The following CUEDC1 variants were observed in gnomAD, a reference collection of about 807,000 sequenced individuals.
The protein encoded by CUEDC1 is CUE domain containing 1, also known as CUE domain-containing protein 1.
In CUEDC1, 30 loss-of-function variants were observed where a neutral mutation model predicts 43.7. That is an observed-to-expected ratio of 0.69 (90% confidence interval 0.51 to 0.93). CUEDC1 has a LOEUF of 0.93. CUEDC1 is among the 40% of genes least tolerant of loss of function. The probability of loss-of-function intolerance (pLI) is 0.00; values close to 1 mark genes in which losing one functional copy is unlikely to be tolerated. For missense variants in CUEDC1, 486 were observed against 549.0 expected, an observed-to-expected ratio of 0.89 and a Z score of 1.15; for synonymous variants, 223 against 223.6, an observed-to-expected ratio of 1.00 and a Z score of 0.02.
intron 1 of CUEDC1, among the ~76,000 whole-genome samples, chr17:57,929,684 G>A (rs2074784754): frequency 6.6e-6 from 1 of 152,144 alleles, no homozygotes; most frequent in African/African-American, 2.4e-5. Flanking sequence ...GAGAAGCACT[G>A]TTTTAAAGCA....
intron 2 of CUEDC1, among the ~76,000 whole-genome samples, chr17:57,880,847 G>C (rs1410775640): frequency 7.9e-6 from 1 of 126,880 alleles, no homozygotes; most frequent in African/African-American, 2.6e-5. Context: ...TCCACCATAG[G>C]GGCGGCCCCT....
At chr17:57,868,730 A>G (rs1375047797) in intron 7 of CUEDC1, among the ~76,000 whole-genome samples, 1 of 151,678 alleles carries the variant, frequency 6.6e-6, no homozygotes. Context: ...AGGGGGAGGG[A>G]AGGGGGCATT....
At chr17:57,923,089 G>A (rs1157418266) in intron 1 of CUEDC1, among the ~76,000 whole-genome samples, 1 of 152,066 alleles carries the variant, frequency 6.6e-6, no homozygotes, top group Non-Finnish European at 1.5e-5. Flanking sequence ...GCCTCCCAAA[G>A]TGCTAGGATT....
chr17:57,922,505 A>G (rs2074707819), intron 1 of CUEDC1: 2 of 152,368 alleles, frequency 1.3e-5, no homozygotes, highest in Middle Eastern at 3.4e-3. Context: ...GAGAATCCTC[A>G]GCCAGATTTT....
chr17:57,944,726 T>C (rs2074946009), intron 1 of CUEDC1, among the ~76,000 whole-genome samples: 1 of 152,168 alleles, frequency 6.6e-6, no homozygotes, highest in African/African-American at 2.4e-5. Flanking sequence ...ATCAACTCCT[T>C]TGCACACTCA....
At chr17:57,871,753 G>A (rs567219869) in intron 5 of CUEDC1, among the ~76,000 whole-genome samples, 4 of 152,232 alleles carry the variant, frequency 2.6e-5, no homozygotes, top group African/African-American at 7.2e-5. Flanking sequence ...GTGAAACCCC[G>A]TCTCTACTAA....
chr17:57,922,212 T>C (rs1002594871), intron 1 of CUEDC1, among the ~76,000 whole-genome samples: 1 of 152,158 alleles, frequency 6.6e-6, no homozygotes, highest in East Asian at 1.9e-4. Context: ...ATAAAGTGAC[T>C]TGCTCAAACT....
In CUEDC1 at chr17:57,885,512, GCGGTGCCACCCCCGC is replaced by G; in HGVS notation, c.38_52del (p.Gly13_Thr17del). The stretch of plus-strand genomic sequence containing the variant: ...GCCTCCCCCGCCCCCGCGTGCCCCG[GCGGTGCCACCCCCGC>G]CGCTGCCGCTGCTGCTCCGGCGGAA... On this transcript the variant is annotated inframe_deletion, in exon 2 of 11. Coordinates refer to ENST00000577830, the MANE Select transcript of CUEDC1 (RefSeq NM_001271875.2). 7.0e-7 allele frequency: 1 copy of G among 1,437,560 alleles called. No individual in the cohort carries two copies. Among genetic ancestry groups the G allele is most frequent in the Non-Finnish European group, 9.1e-7 (1 of 1,101,420 alleles). 89.1% of individuals were successfully genotyped at this position (1,437,560 alleles called of 1,614,324 possible). A position where few individuals can be genotyped will look rare whatever the true frequency, so the allele number is the denominator to read the frequency against.
chr17:57,908,624 A>G (rs1477147433), intron 1 of CUEDC1, among the ~76,000 whole-genome samples: 1 of 152,210 alleles, frequency 6.6e-6, no homozygotes, highest in Non-Finnish European at 1.5e-5. Context: ...GGCTTCCTGA[A>G]ACATGCCAGG....
chr17:57,870,260 T>G (rs1173697571), intron 6 of CUEDC1, among the ~76,000 whole-genome samples: 1 of 152,204 alleles, frequency 6.6e-6, no homozygotes, highest in Non-Finnish European at 1.5e-5. Context: ...CAGCTGTGGC[T>G]CAACCCAGTA....
chr17:57,878,538 C>T (rs2074159779), intron 3 of CUEDC1, among the ~76,000 whole-genome samples: 1 of 152,162 alleles, frequency 6.6e-6, no homozygotes, highest in Admixed American at 6.5e-5. Context: ...GAAACAGCAG[C>T]TCTAGGGCAA....
chr17:57,933,198 C>A (rs572929685), intron 1 of CUEDC1, among the ~76,000 whole-genome samples: 1 of 137,746 alleles, frequency 7.3e-6, no homozygotes, highest in East Asian at 1.9e-4. Context: ...GCCTCACGGG[C>A]AGCAAGGGGG....
rs1472260143 is a variant in CUEDC1, at chr17:57,862,080, T to C, written c.*1209A>G. ...CACCAGGGCCCGGCCAAGGATCGGA[T>C]GCCACTCCCAACCTCCCAGAGCCGC... is the stretch of plus-strand genomic sequence containing the variant. On this transcript the variant is annotated 3_prime_UTR_variant, in exon 11 of 11. Coordinates refer to ENST00000577830, the MANE Select transcript of CUEDC1 (RefSeq NM_001271875.2). 1 of 152,176 alleles carries C rather than the reference T, an allele frequency of 6.6e-6. No homozygotes were observed. The highest frequency in any genetic ancestry group is 6.5e-5 in the Admixed American group (1 of 15,286). The allele number at this position is 152,176 out of a possible 1,614,324, so 9.4% of individuals were successfully genotyped here.
chr17:57,873,081 C>T (rs189246278), intron 4 of CUEDC1, among the ~76,000 whole-genome samples: 11 of 152,306 alleles, frequency 7.2e-5, no homozygotes, highest in African/African-American at 2.6e-4. Context: ...TTCCCCCACG[C>T]CACAGACCAC....
chr17:57,925,035 T>A, intron 1 of CUEDC1, among the ~76,000 whole-genome samples: 1 of 151,886 alleles, frequency 6.6e-6, no homozygotes, highest in East Asian at 1.9e-4. Flanking sequence ...AAAATTCTCA[T>A]TATGTAGTGT....
At chr17:57,924,151 G>A (rs1007041361) in intron 1 of CUEDC1, among the ~76,000 whole-genome samples, 8 of 151,950 alleles carry the variant, frequency 5.3e-5, no homozygotes, top group African/African-American at 1.9e-4. Context: ...CTGTTGCCAG[G>A]CTGGAGTGCA....
In CUEDC1 at chr17:57,861,971, GC is replaced by G. The variant is rs1320693108; in HGVS notation, c.*1317del. 1.3e-5 allele frequency: 2 copies of G among 152,218 alleles called. No individual in the cohort carries two copies. The highest frequency in any genetic ancestry group is 1.3e-4 in the Admixed American group (2 of 15,292). The allele number at this position is 152,218 out of a possible 1,614,324, so 9.4% of individuals were successfully genotyped here. On this transcript the variant is annotated 3_prime_UTR_variant, in exon 11 of 11. Coordinates refer to ENST00000577830, the MANE Select transcript of CUEDC1 (RefSeq NM_001271875.2). The stretch of plus-strand genomic sequence containing the variant: ...CCCGGCCCTCCCCAAGCTCGGCGTT[GC>G]GAGTCCGGGCAGGGTGGGCGGGACG...
chr17:57,871,415 C>G (rs766431399), intron 5 of CUEDC1, 46 bp from the exon 6 acceptor site: 1 of 1,515,244 alleles, frequency 6.6e-7, no homozygotes, highest in Non-Finnish European at 9.2e-7. Flanking sequence ...AGCTCCTGGG[C>G]TCCCAGGGGC....
At chr17:57,907,131 T>C (rs927516323) in intron 1 of CUEDC1, among the ~76,000 whole-genome samples, 4 of 152,068 alleles carry the variant, frequency 2.6e-5, no homozygotes, top group African/African-American at 9.7e-5. Context: ...TGGGAGACAA[T>C]GACACCCCTG....
Sources: gnomAD v4.1 joint callset for allele counts (sites outside exome capture counted in the v4.1 genomes callset) on GRCh38, gnomAD v4.1.1 for gene constraint, MANE v1.5 for transcripts, NCBI Gene and HGNC (gene_info 2026-07-23, HGNC 2026-07-21) for gene names.